The following IGIP variants were observed in gnomAD, a reference collection of about 807,000 sequenced individuals.
The protein encoded by IGIP is IgA inducing protein.
A neutral mutation model predicts 3.2 loss-of-function variants in IGIP; 1 was observed. The observed-to-expected ratio is 0.32, with a 90% CI of 0.11 to 1.50. The LOEUF (loss-of-function observed/expected upper bound fraction) is 1.50, where lower values mean the gene tolerates loss of function less well. Ranked by LOEUF, IGIP falls within the 40% of genes most tolerant of loss-of-function variation. The pLI, the probability that IGIP is intolerant of heterozygous loss-of-function variation, is 0.39. For synonymous variants in IGIP, 20 were observed against 22.7 expected (o/e 0.88, Z 0.34); for missense variants, 64 against 69.0 (o/e 0.93, Z 0.26).
chr5:140,128,294 A>G lies in IGIP; in HGVS notation c.-183A>G, dbSNP rs1474461482. On this transcript the variant is annotated 5_prime_UTR_variant, in exon 1 of 1. An upstream open reading frame in the 5' UTR loses its in-frame stop. Coordinates refer to ENST00000333305, the MANE Select transcript of IGIP (RefSeq NM_001007189.2). The stretch of plus-strand genomic sequence containing the variant: ...ACCAGATGTATATTAGTTAAAATTT[A>G]GGACTAAGTTGTTGATATTCTTTGA... 9.9e-6 allele frequency: 5 copies of G among 503,348 alleles called. No homozygotes were observed. Among genetic ancestry groups the G allele is most frequent in the Non-Finnish European group, 1.8e-5 (5 of 282,300 alleles). 31.2% of individuals were successfully genotyped at this position (503,348 alleles called of 1,614,324 possible). A position where few individuals can be genotyped will look rare whatever the true frequency, so the allele number is the denominator to read the frequency against.
At position 140,128,238 on chromosome 5, in the gene IGIP, A is replaced by G. The variant is rs906902401; in HGVS notation, c.-239A>G. ...CTTTCAGAAATAGAATTGTTCTTTA[A>G]TATCTTTCCAAAATGACTTTGGTTA... On this transcript the variant is annotated 5_prime_UTR_variant, in exon 1 of 1. Transcript: ENST00000333305. 1 of 353,310 alleles carries G rather than the reference A, an allele frequency of 2.8e-6. No homozygotes were observed. The allele number at this position is 353,310 out of a possible 1,614,324, so 21.9% of individuals were successfully genotyped here. A position where few individuals can be genotyped will look rare whatever the true frequency, so the allele number is the denominator to read the frequency against.
rs1422135400 is a variant in IGIP, at chr5:140,126,400, T to G, written c.-2077T>G. On this transcript the variant is annotated 5_prime_UTR_variant, in exon 1 of 1. Coordinates refer to ENST00000333305, the MANE Select transcript of IGIP (RefSeq NM_001007189.2). ...TGCCACAGAAGTTTGCTGAAAACTT[T>G]TGTCGTTTGAATTTTCTCTGTCAGT... The G allele has an allele frequency of 1.2e-5, 2 of 167,114 alleles. No homozygotes were observed. The highest frequency in any genetic ancestry group is 2.9e-5 in the Non-Finnish European group (2 of 68,120). The allele number at this position is 167,114 out of a possible 1,614,324, so 10.4% of individuals were successfully genotyped here.
chr5:140,127,371 T>C lies in IGIP; in HGVS notation c.-1106T>C, dbSNP rs1275455984. 6.0e-6 allele frequency: 1 copy of C among 167,050 alleles called. No individual in the cohort carries two copies. Among genetic ancestry groups the C allele is most frequent in the African/African-American group, 2.4e-5 (1 of 41,442 alleles). 10.3% of individuals were successfully genotyped at this position (167,050 alleles called of 1,614,324 possible). A position where few individuals can be genotyped will look rare whatever the true frequency, so the allele number is the denominator to read the frequency against. ...TCCAGAGGCTTCCAGCCATGAGGTG[T>C]GAGCTGAAACCAATTTTTCCTCTTT... On this transcript the variant is annotated 5_prime_UTR_variant, in exon 1 of 1. Transcript: ENST00000333305.
chr5:140,128,923 A>G lies in IGIP; in HGVS notation c.*285A>G, dbSNP rs1421977573. The G allele has an allele frequency of 4.3e-5, 13 of 304,178 alleles. No individual in the cohort carries two copies. The highest frequency in any genetic ancestry group is 7.9e-5 in the Non-Finnish European group (13 of 165,212). The allele number at this position is 304,178 out of a possible 1,614,324, so 18.8% of individuals were successfully genotyped here. A position where few individuals can be genotyped will look rare whatever the true frequency, so the allele number is the denominator to read the frequency against. ...CTTTTTAGGACTCAGTAGCAGGTAT[A>G]CTTATGCTTATGAATTGGCTGCAAG... On this transcript the variant is annotated 3_prime_UTR_variant, in exon 1 of 1. Coordinates refer to ENST00000333305, the MANE Select transcript of IGIP (RefSeq NM_001007189.2).
chr5:140,125,990 T>C lies in IGIP; in HGVS notation c.-2487T>C, dbSNP rs1236630778. 1 of 166,996 alleles carries C rather than the reference T, an allele frequency of 6.0e-6. No individual in the cohort carries two copies. 10.3% of individuals were successfully genotyped at this position (166,996 alleles called of 1,614,324 possible). ...AATGTCTTCTTCAAATTAAAAAAAA[T>C]TGAGAAGCAGCACTTTAAGTCTAAC... On this transcript the variant is annotated 5_prime_UTR_variant, in exon 1 of 1. Transcript: ENST00000333305.
In IGIP at chr5:140,127,527, A is replaced by G. The variant is rs1763226397; in HGVS notation, c.-950A>G. On this transcript the variant is annotated 5_prime_UTR_variant, in exon 1 of 1. Coordinates refer to ENST00000333305, the MANE Select transcript of IGIP (RefSeq NM_001007189.2). ...AATTAACTGGGTTCTCAGATGCCAC[A>G]GACTCCGTGAGAAGTCACCATTATT... is the stretch of plus-strand genomic sequence containing the variant. The G allele has an allele frequency of 6.0e-6, 1 of 167,098 alleles. No individual in the cohort carries two copies. The highest frequency in any genetic ancestry group is 6.5e-5 in the Admixed American group (1 of 15,286). The allele number at this position is 167,098 out of a possible 1,614,324, so 10.4% of individuals were successfully genotyped here. A position where few individuals can be genotyped will look rare whatever the true frequency, so the allele number is the denominator to read the frequency against.
In IGIP at chr5:140,128,727, C is replaced by T. The variant is rs1763241085; in HGVS notation, c.*89C>T. ...ACAAAATATATACTGTAACAGTATACTTTGTACAGATTTAAATTTTATTTG... is the reference window on the plus strand; with the variant it reads ...ACAAAATATATACTGTAACAGTATATTTTGTACAGATTTAAATTTTATTTG... On this transcript the variant is annotated 3_prime_UTR_variant, in exon 1 of 1. Transcript: ENST00000333305. 26 of 1,031,200 alleles carry T rather than the reference C, an allele frequency of 2.5e-5. No individual in the cohort carries two copies. Among genetic ancestry groups the T allele is most frequent in the Non-Finnish European group, 3.4e-5 (24 of 703,206 alleles). The allele number at this position is 1,031,200 out of a possible 1,614,324, so 63.9% of individuals were successfully genotyped here.
In IGIP at chr5:140,125,949, A is replaced by C. The variant is rs926970472; in HGVS notation, c.-2528A>C. 6.0e-6 allele frequency: 1 copy of C among 166,590 alleles called. No individual in the cohort carries two copies. Among genetic ancestry groups the C allele is most frequent in the African/African-American group, 2.4e-5 (1 of 41,430 alleles). 10.3% of individuals were successfully genotyped at this position (166,590 alleles called of 1,614,324 possible). A position where few individuals can be genotyped will look rare whatever the true frequency, so the allele number is the denominator to read the frequency against. The stretch of plus-strand genomic sequence containing the variant: ...AGGGTGGGTGGGGGAAAGATTTTTG[A>C]GTCTACAACTGACAAAATGTCTTCT... On this transcript the variant is annotated 5_prime_UTR_variant, in exon 1 of 1. Coordinates refer to ENST00000333305, the MANE Select transcript of IGIP (RefSeq NM_001007189.2).
chr5:140,128,504 C>A lies in IGIP; in HGVS notation c.28C>A (p.Arg10Ser). 1 of 1,592,288 alleles carries A rather than the reference C, an allele frequency of 6.3e-7. No homozygotes were observed. Among genetic ancestry groups the A allele is most frequent in the Non-Finnish European group, 8.5e-7 (1 of 1,172,244 alleles). Reference sequence around the variant, plus strand: ...GTGCAGTTATTATCACATGAAGAAACGCAGTGTGTCGGGCTGTAATATTAC... The same window carrying A: ...GTGCAGTTATTATCACATGAAGAAAAGCAGTGTGTCGGGCTGTAATATTAC... MCSYYHMKK[R>S]SVSGCNITIF... is the part of the protein sequence containing the mutation. Residue 10 changes from arginine (R) to serine (S), a missense_variant, in exon 1 of 1, where the codon CGC becomes AGC. Coordinates refer to ENST00000333305, the MANE Select transcript of IGIP (RefSeq NM_001007189.2).
rs1290150946 is a variant in IGIP, at chr5:140,128,006, T to G, written c.-471T>G. 4 of 167,324 alleles carry G rather than the reference T, an allele frequency of 2.4e-5. No individual in the cohort carries two copies. Among genetic ancestry groups the G allele is most frequent in the African/African-American group, 9.6e-5 (4 of 41,484 alleles). The allele number at this position is 167,324 out of a possible 1,614,324, so 10.4% of individuals were successfully genotyped here. Reference sequence around the variant, plus strand: ...AGCACCACTTATAAATTTAGTACACTGTTCAGAATTTTAGTTAACACAGCT... The same window carrying G: ...AGCACCACTTATAAATTTAGTACACGGTTCAGAATTTTAGTTAACACAGCT... On this transcript the variant is annotated 5_prime_UTR_variant, in exon 1 of 1. Coordinates refer to ENST00000333305, the MANE Select transcript of IGIP (RefSeq NM_001007189.2).
rs373649776 is a variant in IGIP, at chr5:140,128,573, C to T, written c.97C>T (p.Pro33Ser). The T allele has an allele frequency of 5.6e-6, 9 of 1,611,442 alleles. No individual in the cohort carries two copies. The African/African-American group carries it at 1.1e-4, about 19-fold the overall frequency. ...CTCCCATCTCAGTGCTGGGAAATCA[C>T]CATGTGGAAACCAAGCAAACGTGTT... ...MFSHLSAGKS[P>S]CGNQANVLCI... Residue 33 changes from proline (P) to serine (S), a missense_variant, in exon 1 of 1, where the codon CCA becomes TCA. By Grantham distance (74) the Pro-to-Ser change is moderately conservative (BLOSUM62 -1). Coordinates refer to ENST00000333305, the MANE Select transcript of IGIP (RefSeq NM_001007189.2).
In IGIP at chr5:140,128,387, T is replaced by C. The variant is rs1240048965; in HGVS notation, c.-90T>C. On this transcript the variant is annotated 5_prime_UTR_variant, in exon 1 of 1. Transcript: ENST00000333305. ...TAGAATATCATTAATTTGCACTGTT[T>C]GGGGACCCCATTTAAGAATGCTGAA... 4.4e-6 allele frequency: 4 copies of C among 905,312 alleles called. No homozygotes were observed. Among genetic ancestry groups the C allele is most frequent in the Middle Eastern group, 2.4e-4 (1 of 4,194 alleles). The allele number at this position is 905,312 out of a possible 1,614,324, so 56.1% of individuals were successfully genotyped here.
Position 140,126,295 on chromosome 5 carries a change from GA to G in IGIP, c.-2179del, listed in dbSNP as rs1431828944. 6.0e-6 allele frequency: 1 copy of G among 166,994 alleles called. No individual in the cohort carries two copies. The highest frequency in any genetic ancestry group is 1.5e-5 in the Non-Finnish European group (1 of 68,090). The allele number at this position is 166,994 out of a possible 1,614,324, so 10.3% of individuals were successfully genotyped here. A position where few individuals can be genotyped will look rare whatever the true frequency, so the allele number is the denominator to read the frequency against. On this transcript the variant is annotated 5_prime_UTR_variant, in exon 1 of 1. An upstream open reading frame in the 5' UTR gains an earlier in-frame stop. Transcript: ENST00000333305. ...TAGCATTCTGTATAGGACCAAAAAG[GA>G]AATAACATTAAACACTTAAACAGAC...
Position 140,128,593 on chromosome 5 carries a change from C to A in IGIP, c.117C>A (p.Asn39Lys), listed in dbSNP as rs919803623. ...AATCACCATGTGGAAACCAAGCAAA[C>A]GTGTTGTGCATCAGCCGGCTTGAGT... Reference protein sequence around the residue: ...AGKSPCGNQANVLCISRLEFV... With the variant: ...AGKSPCGNQAKVLCISRLEFV... Residue 39 changes from asparagine (N) to lysine (K), a missense_variant, in exon 1 of 1, where the codon AAC becomes AAA. Coordinates refer to ENST00000333305, the MANE Select transcript of IGIP (RefSeq NM_001007189.2). 4 of 1,612,600 alleles carry A rather than the reference C, an allele frequency of 2.5e-6. No individual in the cohort carries two copies. The highest frequency in any genetic ancestry group is 3.4e-6 in the Non-Finnish European group (4 of 1,179,644).
chr5:140,126,487 C>A lies in IGIP; in HGVS notation c.-1990C>A, dbSNP rs1247613557. On this transcript the variant is annotated 5_prime_UTR_variant, in exon 1 of 1. Coordinates refer to ENST00000333305, the MANE Select transcript of IGIP (RefSeq NM_001007189.2). ...ACACATAAGAATCAAAAAAACAAAG[C>A]TCACTAAATAAATCAGTCTGGTTTG... The A allele has an allele frequency of 6.0e-6, 1 of 167,020 alleles. No individual in the cohort carries two copies. Among genetic ancestry groups the A allele is most frequent in the East Asian group, 1.9e-4 (1 of 5,192 alleles). The allele number at this position is 167,020 out of a possible 1,614,324, so 10.3% of individuals were successfully genotyped here.
rs376002346 is a variant in IGIP, at chr5:140,128,871, A to ATTT, written c.*245_*247dup. On this transcript the variant is annotated 3_prime_UTR_variant, in exon 1 of 1. Transcript: ENST00000333305. ...GGAAGGGGTCTGGTTGCGATCTTGG[A>ATTT]TTTTTTTTTTTTTTGATAGGTGGAA... The ATTT allele has an allele frequency of 2.6e-5, 9 of 347,782 alleles. No homozygotes were observed. The highest frequency in any genetic ancestry group is 4.3e-5 in the South Asian group (1 of 23,278). The allele number at this position is 347,782 out of a possible 1,614,324, so 21.5% of individuals were successfully genotyped here.
rs778928471 is a variant in IGIP at position 140,126,525 on chromosome 5, G to C, written c.-1952G>C. The C allele has an allele frequency of 1.8e-5, 3 of 167,050 alleles. No homozygotes were observed. The highest frequency in any genetic ancestry group is 4.4e-5 in the Non-Finnish European group (3 of 68,112). 10.3% of individuals were successfully genotyped at this position (167,050 alleles called of 1,614,324 possible). On this transcript the variant is annotated 5_prime_UTR_variant, in exon 1 of 1. Coordinates refer to ENST00000333305, the MANE Select transcript of IGIP (RefSeq NM_001007189.2). ...TCAGTCTGGTTTGCCAATCCAGCTT[G>C]ACTGAAATAAGTAAACCAATCACTT...
At position 140,128,703 on chromosome 5, in the gene IGIP, CAA is replaced by C. The variant is rs1232313457; in HGVS notation, c.*68_*69del. On this transcript the variant is annotated 3_prime_UTR_variant, in exon 1 of 1. Coordinates refer to ENST00000333305, the MANE Select transcript of IGIP (RefSeq NM_001007189.2). ...TGATTATTTTAGGCATTGATTCTTA[CAA>C]AATATATACTGTAACAGTATACTTT... The C allele has an allele frequency of 7.6e-7, 1 of 1,310,912 alleles. No individual in the cohort carries two copies. Among genetic ancestry groups the C allele is most frequent in the African/African-American group, 1.5e-5 (1 of 66,574 alleles). The allele number at this position is 1,310,912 out of a possible 1,614,324, so 81.2% of individuals were successfully genotyped here.
rs949895433 is a variant in IGIP, at chr5:140,128,405, A to G, written c.-72A>G. ...CACTGTTTGGGGACCCCATTTAAGA[A>G]TGCTGAATTTTGCCAACTAAGAAGT... On this transcript the variant is annotated 5_prime_UTR_variant, in exon 1 of 1. It removes an upstream start codon present in the reference 5' UTR. Coordinates refer to ENST00000333305, the MANE Select transcript of IGIP (RefSeq NM_001007189.2). 19 of 1,202,542 alleles carry G rather than the reference A, an allele frequency of 1.6e-5. No individual in the cohort carries two copies. Among genetic ancestry groups the G allele is most frequent in the Admixed American group, 2.4e-5 (1 of 41,636 alleles). 74.5% of individuals were successfully genotyped at this position (1,202,542 alleles called of 1,614,324 possible).
Sources: gnomAD v4.1 joint callset for allele counts on GRCh38, gnomAD v4.1.1 for gene constraint, MANE v1.5 for transcripts, NCBI Gene and HGNC (gene_info 2026-07-23, HGNC 2026-07-21) for gene names.